TGFBI: variants seen among roughly 807,000 people sequenced by gnomAD.
TGFBI encodes transforming growth factor beta induced, also known as transforming growth factor-beta-induced protein ig-h3.
TGFBI carries 50 observed loss-of-function variants against 73.7 expected under a neutral mutation model. The ratio of observed to expected loss-of-function variants is 0.68; its 90% CI spans 0.54 to 0.86. The LOEUF (loss-of-function observed/expected upper bound fraction) is 0.86, where lower values mean the gene tolerates loss of function less well. TGFBI is among the 40% of genes least tolerant of loss of function. TGFBI has a pLI of 0.00. For missense variants in TGFBI, 839 were observed against 877.0 expected (o/e 0.96, Z 0.55); for synonymous variants, 362 against 360.5 (o/e 1.00, Z -0.05).
At chr5:136,043,937 G>T in intron 2 of TGFBI, 121 bp from the exon 3 acceptor site, 1 of 775,602 alleles carries the variant, frequency 1.3e-6, no homozygotes. Flanking sequence ...CCTAAGAGGA[G>T]AGTGTTTCAC....
At chr5:136,037,523 A>C (rs952484246) in intron 2 of TGFBI, among the ~76,000 whole-genome samples, 5 of 152,194 alleles carry the variant, frequency 3.3e-5, no homozygotes, top group African/African-American at 9.7e-5. Flanking sequence ...AGTTGACATC[A>C]TGGGACTGGA....
intron 1 of TGFBI, among the ~76,000 whole-genome samples, chr5:136,032,510 T>C (rs1248122462): frequency 6.6e-6 from 1 of 152,246 alleles, no homozygotes; most frequent in East Asian, 1.9e-4. Flanking sequence ...TGGTGTCTTC[T>C]TAACAAATAC....
intron 12 of TGFBI, 183 bp from the exon 13 acceptor site, chr5:136,058,907 C>T: frequency 7.2e-6 from 5 of 696,132 alleles, no homozygotes; most frequent in East Asian, 2.9e-5. Context: ...GTCCTCTGAC[C>T]ATTAGACAGA....
intron 4 of TGFBI, 122 bp from the exon 5 acceptor site, chr5:136,046,729 T>A: frequency 2.2e-6 from 3 of 1,349,752 alleles, no homozygotes; most frequent in Non-Finnish European, 3.0e-6. Flanking sequence ...TGAGGAGGGA[T>A]CCTTGGCAGA....
chr5:136,054,665 T>G (rs1296260085), intron 9 of TGFBI, 51 bp from the exon 10 acceptor site: 1 of 1,612,042 alleles, frequency 6.2e-7, no homozygotes, highest in African/African-American at 1.3e-5. Flanking sequence ...CATCACTCTC[T>G]TCATTGCAGG....
intron 6 of TGFBI, 30 bp from the exon 7 acceptor site, chr5:136,049,409 G>A: frequency 3.7e-6 from 6 of 1,610,476 alleles, no homozygotes; most frequent in Non-Finnish European, 4.2e-6. Flanking sequence ...GAGTCTTCAG[G>A]GAGCACTCCA....
chr5:136,037,305 A>G (rs1480283257), intron 2 of TGFBI, among the ~76,000 whole-genome samples: 1 of 152,220 alleles, frequency 6.6e-6, no homozygotes, highest in Admixed American at 6.5e-5. Flanking sequence ...ACAATGGCTA[A>G]TCAAACAAAG....
chr5:136,034,150 A>G (rs927834853), intron 2 of TGFBI, among the ~76,000 whole-genome samples: 7 of 152,072 alleles, frequency 4.6e-5, no homozygotes, highest in African/African-American at 1.4e-4. Flanking sequence ...GTGTTTCTCA[A>G]TCCTCATAAA....
chr5:136,032,130 G>A (rs1751131691), intron 1 of TGFBI, among the ~76,000 whole-genome samples: 1 of 152,168 alleles, frequency 6.6e-6, no homozygotes, highest in Non-Finnish European at 1.5e-5. Context: ...TCTAACCTGT[G>A]AATCCTAGGC....
rs578206753 is a variant in TGFBI at position 136,049,568 on chromosome 5, G to A, written c.901G>A (p.Glu301Lys). Residue 301 changes from glutamate (E) to lysine (K), a missense_variant, in exon 7 of 17, where the codon GAA becomes AAA. By Grantham distance (56) the Glu-to-Lys change is moderately conservative (BLOSUM62 1). Coordinates refer to ENST00000442011, the MANE Select transcript of TGFBI (RefSeq NM_000358.3). The part of the protein sequence containing the change: ...ETLNRILGDP[E>K]ALRDLLNNHI... ...TTTGAACCGTATCCTGGGCGACCCA[G>A]AAGCCCTGAGAGGTGAGCATCCTTT... 1 of 1,613,626 alleles carries A rather than the reference G, an allele frequency of 6.2e-7. No homozygotes were observed. Among genetic ancestry groups the A allele is most frequent in the Non-Finnish European group, 8.5e-7 (1 of 1,179,758 alleles).
intron 14 of TGFBI, chr5:136,061,264 C>G (rs1751742922): frequency 1.7e-6 from 1 of 587,682 alleles, no homozygotes; most frequent in South Asian, 2.0e-5. Context: ...AGTGTATGTT[C>G]CTTGCCTCCA....
Position 136,052,940 on chromosome 5 carries a change from T to C in TGFBI, c.947T>C (p.Met316Thr), listed in dbSNP as rs1202782615. Residue 316 changes from methionine to threonine, a missense_variant, in exon 8 of 17, where the codon ATG becomes ACG. By Grantham distance (81) the Met-to-Thr change is moderately conservative. Coordinates refer to ENST00000442011, the MANE Select transcript of TGFBI (RefSeq NM_000358.3). ...LLNNHILKSA[M>T]CAEAIVAGLS... ...AACAACCACATCTTGAAGTCAGCTA[T>C]GTGTGCTGAAGCCATCGTTGCGGGG... 17 of 1,613,898 alleles carry C rather than the reference T, an allele frequency of 1.1e-5. No individual in the cohort carries two copies. Among genetic ancestry groups the C allele is most frequent in the African/African-American group, 2.7e-5 (2 of 74,932 alleles).
At chr5:136,059,499 GTAGGCAAC>G (rs927253178) in intron 13 of TGFBI, among the ~76,000 whole-genome samples, 1 of 152,176 alleles carries the variant, frequency 6.6e-6, no homozygotes, top group African/African-American at 2.4e-5. Flanking sequence ...TAAGGAGGTT[GTAGGCAAC>G]TAGTTATGTG....
intron 1 of TGFBI, 49 bp from the exon 2 acceptor site, chr5:136,033,714 G>A (rs1473255967): frequency 6.6e-7 from 1 of 1,511,904 alleles, no homozygotes; most frequent in Admixed American, 1.7e-5. Flanking sequence ...TCATTAAAGT[G>A]GGGTGGACGT....
chr5:136,052,962 G>A lies in TGFBI; in HGVS notation c.969G>A (p.Ala323=), dbSNP rs533421485. ...CTATGTGTGCTGAAGCCATCGTTGC[G>A]GGGCTGTCTGTAGAGACCCTGGAGG... ...KSAMCAEAIV[A]GLSVETLEGT... The change falls in exon 8 of 17, where the codon GCG becomes GCA. Residue 323 remains alanine, a synonymous_variant. Transcript: ENST00000442011. The A allele has an allele frequency of 3.9e-5, 63 of 1,614,034 alleles. No homozygotes were observed. Among genetic ancestry groups the A allele is most frequent in the South Asian group, 3.6e-4 (33 of 91,076 alleles).
chr5:136,053,315 G>T (rs1006078884), intron 8 of TGFBI, among the ~76,000 whole-genome samples, 196 bp downstream of exon 8: 1 of 152,258 alleles, frequency 6.6e-6, no homozygotes, highest in South Asian at 2.1e-4. Flanking sequence ...TGCAAGTGCA[G>T]TGGAGAGGCA....
intron 2 of TGFBI, among the ~76,000 whole-genome samples, chr5:136,040,931 G>A (rs1023570188): frequency 6.6e-6 from 1 of 152,226 alleles, no homozygotes; most frequent in African/African-American, 2.4e-5. Context: ...CAGGGAGCAT[G>A]GCACACTGAG....
intron 15 of TGFBI, 25 bp downstream of exon 15, chr5:136,061,604 C>G (rs1216596705): frequency 6.2e-7 from 1 of 1,601,318 alleles, no homozygotes; most frequent in African/African-American, 1.3e-5. Flanking sequence ...AGGTTTGCGC[C>G]TAGCCTGAGC....
chr5:136,049,562 G>A lies in TGFBI; in HGVS notation c.895G>A (p.Asp299Asn), dbSNP rs202239395. The A allele has an allele frequency of 4.3e-4, 694 of 1,613,536 alleles. 1 individual carries two copies. Among genetic ancestry groups the A allele is most frequent in the Non-Finnish European group, 5.0e-4 (584 of 1,179,760 alleles). Residue 299 changes from aspartate (D) to asparagine (N), a missense_variant, in exon 7 of 17, where the codon GAC (aspartate) becomes AAC (asparagine). Transcript: ENST00000442011. ...PSETLNRILG[D>N]PEALRDLLNN... ...TGAGACTTTGAACCGTATCCTGGGC[G>A]ACCCAGAAGCCCTGAGAGGTGAGCA...
Sources: gnomAD v4.1 joint callset for allele counts (sites outside exome capture counted in the v4.1 genomes callset) on GRCh38, gnomAD v4.1.1 for gene constraint, MANE v1.5 for transcripts, NCBI Gene and HGNC (gene_info 2026-07-23, HGNC 2026-07-21) for gene names.